Variants in FMN2 observed in about 807,000 individuals in gnomAD.
FMN2 encodes formin 2.
FMN2 carries 51 observed loss-of-function variants against 142.3 expected under a neutral mutation model. The observed-to-expected ratio is 0.36, with a 90% CI of 0.29 to 0.45. The LOEUF is 0.45. Ranked by LOEUF, FMN2 falls within the 20% of genes least tolerant of loss-of-function variation. FMN2 has a pLI of 1.00. For missense variants in FMN2, 1,936 were observed against 2,122.8 expected (o/e 0.91, Z 1.73); for synonymous variants, 882 against 869.8 (o/e 1.01, Z -0.25).
chr1:240,226,835 T>C lies in FMN2; in HGVS notation c.4065+15600T>C, dbSNP rs113371941. Among the ~76,000 whole-genome samples, 326 of 141,990 alleles carry C rather than the reference T, an allele frequency of 2.3e-3. 1 individual carries two copies. The highest frequency in any genetic ancestry group is 7.0e-3 in the African/African-American group (270 of 38,424). The allele number at this position is 141,990 out of a possible 152,430, so 93.2% of individuals were successfully genotyped here. A position where few individuals can be genotyped will look rare whatever the true frequency, so the allele number is the denominator to read the frequency against. On this transcript the variant is annotated intron_variant, in intron 6 of 17. Transcript: ENST00000319653. ...ACACACACACACACACACACACACA[T>C]ACACACACACACACAAATGGGACTA... is the stretch of plus-strand genomic sequence containing the variant.
At chr1:240,133,714 T>G (rs972765157) in intron 2 of FMN2, among the ~76,000 whole-genome samples, 1 of 152,222 alleles carries the variant, frequency 6.6e-6, no homozygotes, top group Non-Finnish European at 1.5e-5. Flanking sequence ...GCCTCCACTC[T>G]TTCTCATAGG....
At chr1:240,467,293 GA>G (rs1676654713) in intron 16 of FMN2, among the ~76,000 whole-genome samples, 1 of 106,944 alleles carries the variant, frequency 9.4e-6, no homozygotes, top group South Asian at 2.8e-4. Context: ...TTTTTTTTTT[GA>G]GACAGAGTCT....
chr1:240,128,820 A>C (rs1662616746), intron 2 of FMN2, among the ~76,000 whole-genome samples: 1 of 152,190 alleles, frequency 6.6e-6, no homozygotes, highest in Admixed American at 6.5e-5. Flanking sequence ...TTGTTACCGT[A>C]GACAAAAAGA....
At chr1:240,149,701 T>C (rs1474338395) in intron 2 of FMN2, among the ~76,000 whole-genome samples, 5 of 152,204 alleles carry the variant, frequency 3.3e-5, no homozygotes, top group Admixed American at 6.5e-5. Context: ...TTTCAAATTA[T>C]GCAGAAGAAT....
rs557575171 is a variant in FMN2 at position 240,258,127 on chromosome 1, C to T, written c.4153+95C>T. On this transcript the variant is annotated intron_variant, in intron 7 of 17. Transcript: ENST00000319653. ...TAATGTTATTTCAAACTTAGAGTTT[C>T]TGTGTAAACCGAGGTTAGTATATAT... The T allele has an allele frequency of 3.2e-6, 3 of 924,324 alleles. No homozygotes were observed. In the Admixed American group the frequency reaches 6.6e-5, roughly 20 times the overall value. The allele number at this position is 924,324 out of a possible 1,614,324, so 57.3% of individuals were successfully genotyped here.
At chr1:240,142,224 T>C (rs1663215311) in intron 2 of FMN2, among the ~76,000 whole-genome samples, 1 of 152,062 alleles carries the variant, frequency 6.6e-6, no homozygotes, top group Admixed American at 6.5e-5. Flanking sequence ...TTAGGCTATA[T>C]TGAGGCTCCT....
intron 14 of FMN2, among the ~76,000 whole-genome samples, chr1:240,389,390 T>C (rs376696494): frequency 3.3e-5 from 5 of 152,358 alleles, no homozygotes; most frequent in East Asian, 1.9e-4. Context: ...AGCAAAGTCA[T>C]GTTTGAAAGT....
At chr1:240,143,584 T>A (rs1663290024) in intron 2 of FMN2, 1 of 1,607,412 alleles carries the variant, frequency 6.2e-7, no homozygotes, top group East Asian at 2.2e-5. Flanking sequence ...AGAGCCTGCC[T>A]ATGCACACAC....
chr1:240,146,338 G>T (rs1663473681), intron 2 of FMN2, among the ~76,000 whole-genome samples: 1 of 148,558 alleles, frequency 6.7e-6, no homozygotes. Flanking sequence ...AGGTTGCAGT[G>T]AGCTGAGATT....
chr1:240,184,224 G>T (rs1223705516), intron 3 of FMN2, among the ~76,000 whole-genome samples: 2 of 142,136 alleles, frequency 1.4e-5, no homozygotes, highest in Non-Finnish European at 3.1e-5. Flanking sequence ...TTTTTAAAAT[G>T]GAATATTTAA....
chr1:240,461,002 A>G (rs1351173514), intron 16 of FMN2, among the ~76,000 whole-genome samples: 2 of 152,194 alleles, frequency 1.3e-5, no homozygotes, highest in African/African-American at 4.8e-5. Flanking sequence ...GTGAAGTTTA[A>G]GAGCCACTGT....
chr1:240,446,231 C>T (rs900509526), intron 16 of FMN2, among the ~76,000 whole-genome samples: 82 of 152,208 alleles, frequency 5.4e-4, no homozygotes, highest in African/African-American at 1.7e-3. Flanking sequence ...TGCCGTGTTC[C>T]AAGAGGTGTT....
At chr1:240,156,825 T>C (rs1571997862) in intron 2 of FMN2, among the ~76,000 whole-genome samples, 1 of 152,200 alleles carries the variant, frequency 6.6e-6, no homozygotes, top group East Asian at 1.9e-4. Flanking sequence ...AAGTGGGATA[T>C]GTTAGATTAA....
intron 2 of FMN2, among the ~76,000 whole-genome samples, chr1:240,173,902 G>A (rs911283092): frequency 1.3e-5 from 2 of 152,166 alleles, no homozygotes; most frequent in African/African-American, 4.8e-5. Flanking sequence ...AACTCAGTGA[G>A]ATAGTTTATC....
chr1:240,186,073 T>A (rs1370412042), intron 3 of FMN2, among the ~76,000 whole-genome samples: 2 of 152,182 alleles, frequency 1.3e-5, no homozygotes, highest in African/African-American at 4.8e-5. Flanking sequence ...GGCCAGTTGT[T>A]TATTGCCACT....
intron 14 of FMN2, among the ~76,000 whole-genome samples, chr1:240,363,193 G>A (rs1198836154): frequency 1.3e-5 from 2 of 152,152 alleles, no homozygotes; most frequent in Non-Finnish European, 2.9e-5. Flanking sequence ...CATGTTTCAT[G>A]TTGTACTTCT....
At chr1:240,369,024 A>C (rs1002580464) in intron 14 of FMN2, among the ~76,000 whole-genome samples, 19 of 151,844 alleles carry the variant, frequency 1.3e-4, no homozygotes, top group Non-Finnish European at 7.4e-5. Flanking sequence ...TTATCATTTC[A>C]CATAGGTACC....
chr1:240,286,421 G>T (rs1669592241), intron 7 of FMN2, among the ~76,000 whole-genome samples: 1 of 152,154 alleles, frequency 6.6e-6, no homozygotes, highest in Non-Finnish European at 1.5e-5. Flanking sequence ...TTCATCCAGT[G>T]CTCCTTGTTT....
intron 6 of FMN2, among the ~76,000 whole-genome samples, chr1:240,235,548 A>G (rs897662998): frequency 6.6e-6 from 1 of 151,840 alleles, no homozygotes; most frequent in African/African-American, 2.4e-5. Flanking sequence ...AGTATCTGGG[A>G]TTATAGGTGC....
Sources: allele counts gnomAD v4.1 joint callset (sites outside exome capture counted in the v4.1 genomes callset), GRCh38; gene constraint gnomAD v4.1.1; transcripts MANE v1.5; gene names NCBI Gene and HGNC (gene_info 2026-07-23, HGNC 2026-07-21).